SLFN12L: variants seen among roughly 807,000 people sequenced by gnomAD.
SLFN12L encodes the protein schlafen family member 12 like.
A neutral mutation model predicts 34.8 loss-of-function variants in SLFN12L; 34 were observed. The ratio of observed to expected loss-of-function variants is 0.98; its 90% CI spans 0.74 to 1.30. SLFN12L has a LOEUF of 1.30. Among genes scored for constraint, SLFN12L ranks in the 50% most tolerant of loss-of-function variants. The pLI is 0.00. For synonymous variants in SLFN12L, 259 were observed against 247.5 expected (o/e 1.05, Z -0.44); for missense variants, 703 against 696.2 (o/e 1.01, Z -0.11).
intron 2 of SLFN12L, chr17:35,490,619 C>A: frequency 1.2e-6 from 1 of 856,280 alleles, no homozygotes; most frequent in Non-Finnish European, 2.0e-6. Context: ...ACCAAGCTCA[C>A]TCAGGAAGAG....
chr17:35,501,920 C>T (rs1487942618), intron 2 of SLFN12L, among the ~76,000 whole-genome samples: 1 of 151,442 alleles, frequency 6.6e-6, no homozygotes, highest in African/African-American at 2.4e-5. Flanking sequence ...GCAGCATAAG[C>T]GGCTGGCAGA....
At chr17:35,487,863 T>C (rs754941371) in intron 2 of SLFN12L, 1 of 1,034,518 alleles carries the variant, frequency 9.7e-7, no homozygotes, top group Non-Finnish European at 1.5e-6. Context: ...TCCCCGGAAG[T>C]GGTGGCACCG....
intron 2 of SLFN12L, among the ~76,000 whole-genome samples, chr17:35,519,574 C>T (rs1915938082): frequency 6.6e-6 from 1 of 152,150 alleles, no homozygotes; most frequent in Admixed American, 6.5e-5. Context: ...CATCCTCTCT[C>T]CCCACATCAA....
chr17:35,523,685 T>C lies in SLFN12L; in HGVS notation c.-605-716A>G, dbSNP rs150782367. On this transcript the variant is annotated intron_variant, in intron 1 of 4. Transcript: ENST00000628453. The stretch of plus-strand genomic sequence containing the variant: ...GTGCGGTGGCTCACTCCTGTAATCC[T>C]AGCACTTTGGGAGGCCGAGATGGGT... 6.0e-3 allele frequency among the ~76,000 whole-genome samples: 914 copies of C among 152,256 alleles called. 16 individuals carry two copies. The highest frequency in any genetic ancestry group is 0.021 in the African/African-American group (853 of 41,558).
chr17:35,496,672 G>T (rs1915094075), intron 2 of SLFN12L, among the ~76,000 whole-genome samples: 1 of 152,104 alleles, frequency 6.6e-6, no homozygotes, highest in Non-Finnish European at 1.5e-5. Flanking sequence ...GTCTGTCTTC[G>T]CGGTGGCAGC....
chr17:35,522,582 A>G lies in SLFN12L; in HGVS notation c.-218T>C, dbSNP rs7213294. The G allele has an allele frequency of 0.018, 28,509 of 1,608,006 alleles. 695 individuals carry two copies. Among genetic ancestry groups the G allele is most frequent in the African/African-American group, 0.11 (7,878 of 74,698 alleles). On this transcript the variant is annotated 5_prime_UTR_variant, in exon 2 of 5. Coordinates refer to ENST00000628453, the MANE Select transcript of SLFN12L (RefSeq NM_001363830.2). ...TTCCAATGTGCTGGGTGCCTGCAAA[A>G]CTATAGGACGCAGGGTAATCCATCG... is the stretch of plus-strand genomic sequence containing the variant.
intron 2 of SLFN12L, among the ~76,000 whole-genome samples, chr17:35,502,341 C>T (rs1915321991): frequency 1.5e-5 from 2 of 130,320 alleles, no homozygotes; most frequent in African/African-American, 2.9e-5. Flanking sequence ...GCTTTGCTAA[C>T]AGAAGAAAGT....
intron 2 of SLFN12L, among the ~76,000 whole-genome samples, chr17:35,509,618 T>C (rs988828844): frequency 3.9e-5 from 6 of 152,178 alleles, no homozygotes; most frequent in African/African-American, 1.4e-4. Flanking sequence ...AAATTTGGAC[T>C]TTTATTTTTT....
chr17:35,495,181 T>G (rs1350262744), intron 2 of SLFN12L, among the ~76,000 whole-genome samples: 2 of 152,176 alleles, frequency 1.3e-5, no homozygotes, highest in Non-Finnish European at 2.9e-5. Flanking sequence ...ATTATAGGCA[T>G]GAGCCACCAC....
At chr17:35,490,430 T>G in intron 2 of SLFN12L, 1 of 1,192,078 alleles carries the variant, frequency 8.4e-7, no homozygotes, top group Non-Finnish European at 1.3e-6. Context: ...GTCTTGGTTT[T>G]GAACAAGGCA....
chr17:35,495,779 T>G (rs1026825072), intron 2 of SLFN12L, among the ~76,000 whole-genome samples: 2 of 148,162 alleles, frequency 1.3e-5, no homozygotes, highest in East Asian at 4.1e-4. Context: ...TGACACCAAC[T>G]GGCGCTGTCC....
At chr17:35,499,144 G>A (rs754925544) in intron 2 of SLFN12L, 12 of 864,166 alleles carry the variant, frequency 1.4e-5, no homozygotes, top group Admixed American at 1.9e-5. Context: ...GACATGTCCC[G>A]CATCCATTTG....
chr17:35,498,353 C>G (rs1308382306), intron 2 of SLFN12L: 2 of 1,020,606 alleles, frequency 2.0e-6, no homozygotes, highest in South Asian at 2.5e-5. Context: ...CGGCCAATCT[C>G]ACGGTACACA....
chr17:35,509,591 T>C (rs1375407248), intron 2 of SLFN12L, among the ~76,000 whole-genome samples: 1 of 152,182 alleles, frequency 6.6e-6, no homozygotes, highest in African/African-American at 2.4e-5. Flanking sequence ...AGTTGGTGTT[T>C]AATGTTTCTC....
At chr17:35,477,426 T>C (rs866282134) in intron 4 of SLFN12L, among the ~76,000 whole-genome samples, 8 of 152,282 alleles carry the variant, frequency 5.3e-5, no homozygotes, top group Middle Eastern at 6.8e-3. Context: ...AATGGCAAGT[T>C]TGACTATATC....
intron 1 of SLFN12L, among the ~76,000 whole-genome samples, chr17:35,529,960 G>A (rs915835360): frequency 7.3e-5 from 11 of 151,678 alleles, no homozygotes; most frequent in African/African-American, 2.7e-4. Context: ...AAAAGTTGAA[G>A]AGATGGAAGC....
At chr17:35,492,283 G>A (rs1838149) in intron 2 of SLFN12L, among the ~76,000 whole-genome samples, 59,486 of 151,958 alleles carry the variant, frequency 0.39, 12,071 homozygotes, top group Middle Eastern at 0.45. Context: ...GTCAGTCCTG[G>A]GGCTTGCTGA....
rs775162288 is a variant in SLFN12L, at chr17:35,475,054, C to T, written c.1708G>A (p.Ala570Thr). 6.8e-6 allele frequency: 11 copies of T among 1,613,070 alleles called. No individual in the cohort carries two copies. The highest frequency in any genetic ancestry group is 3.3e-4 in the Middle Eastern group (2 of 6,062). ...IYPESYYWTT[A>T]QTMKDLEKAL... ...TTTTCCAAGTCTTTCATTGTTTGAG[C>T]TGTTGTCCAATAGTAGGATTCAGGG... The change falls in exon 5 of 5, where the codon GCT becomes ACT. Residue 570 changes from alanine to threonine, a missense_variant. Physicochemically the swap from Ala to Thr is moderately conservative, Grantham distance 58. Transcript: ENST00000628453.
In SLFN12L at chr17:35,497,363, C is replaced by T. The variant is rs78416312; in HGVS notation, c.87-17168G>A. 9.2e-3 allele frequency among the ~76,000 whole-genome samples: 1,397 copies of T among 152,044 alleles called. 86 individuals are homozygous for T. In the East Asian group the frequency reaches 0.17, roughly 18 times the overall value. ...CCGAGATCGTATCACTGCACTCCAGCCTGGGCGACAAGAGCAAAACTCCAT... is the reference window on the plus strand; with the variant it reads ...CCGAGATCGTATCACTGCACTCCAGTCTGGGCGACAAGAGCAAAACTCCAT... On this transcript the variant is annotated intron_variant, in intron 2 of 4. Transcript: ENST00000628453.
Sources: allele counts gnomAD v4.1 joint callset (sites outside exome capture counted in the v4.1 genomes callset), GRCh38; gene constraint gnomAD v4.1.1; transcripts MANE v1.5; gene names NCBI Gene and HGNC (gene_info 2026-07-23, HGNC 2026-07-21).